XYLT1: variants seen among roughly 807,000 people sequenced by gnomAD.
XYLT1 encodes xylosyltransferase 1.
A neutral mutation model predicts 91.3 loss-of-function variants in XYLT1; 36 were observed. That is an observed-to-expected ratio of 0.39 (90% CI 0.30 to 0.52). The LOEUF is 0.52. XYLT1 is among the 20% of genes least tolerant of loss of function. The pLI, the probability that XYLT1 is intolerant of heterozygous loss-of-function variation, is 0.68. For synonymous variants in XYLT1, 588 were observed against 532.0 expected (o/e 1.11, Z -1.45); for missense variants, 1,242 against 1,284.5 (o/e 0.97, Z 0.51).
chr16:17,408,503 A>G (rs1265951475), intron 1 of XYLT1, among the ~76,000 whole-genome samples: 1 of 152,192 alleles, frequency 6.6e-6, no homozygotes, highest in African/African-American at 2.4e-5. Context: ...AGTGTATTCA[A>G]GCCTCGTTGC....
chr16:17,379,721 G>A (rs1261088389), intron 1 of XYLT1, among the ~76,000 whole-genome samples: 3 of 142,688 alleles, frequency 2.1e-5, no homozygotes, highest in Non-Finnish European at 4.5e-5. Context: ...TCTATGAAAT[G>A]AAGGATATCT....
chr16:17,336,417 G>A (rs376215985), intron 2 of XYLT1, among the ~76,000 whole-genome samples: 6 of 152,276 alleles, frequency 3.9e-5, no homozygotes, highest in African/African-American at 1.4e-4. Context: ...AGCTGTCCAC[G>A]GTCAGGGGAG....
At chr16:17,276,443 T>C (rs957685465) in intron 2 of XYLT1, among the ~76,000 whole-genome samples, 12 of 152,196 alleles carry the variant, frequency 7.9e-5, no homozygotes, top group Admixed American at 5.2e-4. Context: ...TGGAAAATGA[T>C]TTCTGCAGCC....
chr16:17,443,414 T>C (rs1243410142), intron 1 of XYLT1, among the ~76,000 whole-genome samples: 5 of 152,206 alleles, frequency 3.3e-5, no homozygotes, highest in African/African-American at 1.2e-4. Context: ...GCTGTTCTCA[T>C]GATAGTGAGC....
At chr16:17,345,118 G>A (rs2035126259) in intron 2 of XYLT1, among the ~76,000 whole-genome samples, 1 of 152,202 alleles carries the variant, frequency 6.6e-6, no homozygotes, top group South Asian at 2.1e-4. Context: ...CTGTTGGCCC[G>A]TTTTTATTTC....
At chr16:17,128,451 A>T (rs980785052) in intron 9 of XYLT1, among the ~76,000 whole-genome samples, 1 of 152,158 alleles carries the variant, frequency 6.6e-6, no homozygotes, top group African/African-American at 2.4e-5. Flanking sequence ...GATAACTCTA[A>T]TTTTTTGCTT....
At chr16:17,385,492 A>G (rs1227661700) in intron 1 of XYLT1, among the ~76,000 whole-genome samples, 2 of 151,688 alleles carry the variant, frequency 1.3e-5, no homozygotes, top group East Asian at 2.0e-4. Flanking sequence ...TTGGCACCCA[A>G]CGAGCCCTTC....
At chr16:17,433,537 T>C (rs2036416593) in intron 1 of XYLT1, among the ~76,000 whole-genome samples, 1 of 152,142 alleles carries the variant, frequency 6.6e-6, no homozygotes, top group Non-Finnish European at 1.5e-5. Context: ...ACACGCATGA[T>C]GGTAGCAGCC....
chr16:17,257,863 C>A (rs759122490), intron 3 of XYLT1, among the ~76,000 whole-genome samples: 7 of 152,180 alleles, frequency 4.6e-5, no homozygotes, highest in Admixed American at 6.5e-5. Context: ...TAGCACACAG[C>A]GAAGCCTCAG....
At chr16:17,269,792 TTTATTA>T (rs60773820) in intron 2 of XYLT1, among the ~76,000 whole-genome samples, 13 of 141,724 alleles carry the variant, frequency 9.2e-5, no homozygotes, top group Middle Eastern at 3.7e-3. Flanking sequence ...TCCTTCTCCC[TTTATTA>T]TTATTATTAT....
chr16:17,463,162 C>G (rs540476046), intron 1 of XYLT1, among the ~76,000 whole-genome samples: 27 of 151,696 alleles, frequency 1.8e-4, no homozygotes, highest in Non-Finnish European at 4.0e-4. Flanking sequence ...CTTCAGGACG[C>G]TGAGCAAGAA....
chr16:17,372,888 G>C (rs989921955), intron 1 of XYLT1, among the ~76,000 whole-genome samples: 1 of 152,094 alleles, frequency 6.6e-6, no homozygotes, highest in Non-Finnish European at 1.5e-5. Context: ...TTACAACAAT[G>C]TCTGATCATA....
At position 17,259,004 on chromosome 16, in the gene XYLT1, C is replaced by A. The variant is rs779661811; in HGVS notation, c.897G>T (p.Arg299=). 2.0e-6 allele frequency: 3 copies of A among 1,505,740 alleles called. No individual in the cohort carries two copies. In the Admixed American group the frequency reaches 6.9e-5, roughly 35 times the overall value. The allele number at this position is 1,505,740 out of a possible 1,614,324, so 93.3% of individuals were successfully genotyped here. A position where few individuals can be genotyped will look rare whatever the true frequency, so the allele number is the denominator to read the frequency against. The change falls in exon 3 of 12, where the codon CGG becomes CGT. Residue 299 remains arginine (R), a synonymous_variant. Coordinates refer to ENST00000261381, the MANE Select transcript of XYLT1 (RefSeq NM_022166.4). The stretch of plus-strand genomic sequence containing the variant: ...GGAACTTACCCTCGAGGGGGCAGAA[C>A]CGAGTCACCTTCTCAGGCATCAGCA... ...LGLLMPEKVT[R]FCPLEGKANK... is the part of the protein sequence containing the mutation.
At chr16:17,334,888 A>G (rs1315534940) in intron 2 of XYLT1, among the ~76,000 whole-genome samples, 1 of 151,580 alleles carries the variant, frequency 6.6e-6, no homozygotes, top group East Asian at 1.9e-4. Flanking sequence ...ATCTCAAAAA[A>G]CAAAAACAAA....
At chr16:17,404,016 T>C (rs2035998724) in intron 1 of XYLT1, among the ~76,000 whole-genome samples, 1 of 152,110 alleles carries the variant, frequency 6.6e-6, no homozygotes. Context: ...CCACAGAGAA[T>C]TATTTAAACC....
chr16:17,138,187 G>T, intron 8 of XYLT1, 168 bp downstream of exon 8: 2 of 709,092 alleles, frequency 2.8e-6, no homozygotes, highest in Non-Finnish European at 4.5e-6. Context: ...TGAAGTAAGT[G>T]CTCAATAAAC....
At position 17,313,902 on chromosome 16, in the gene XYLT1, G is replaced by A. The variant is rs550284891; in HGVS notation, c.402+44110C>T. 2.0e-4 allele frequency among the ~76,000 whole-genome samples: 30 copies of A among 152,198 alleles called. No individual in the cohort carries two copies. In the South Asian group the frequency reaches 6.2e-3, roughly 32 times the overall value. On this transcript the variant is annotated intron_variant, in intron 2 of 11. Transcript: ENST00000261381. ...ATGGGAATAAGGGGATATAATTAAGGGGCTTTTATTTCTATTCTGTCCAGA... is the reference window on the plus strand; with the variant it reads ...ATGGGAATAAGGGGATATAATTAAGAGGCTTTTATTTCTATTCTGTCCAGA...
At chr16:17,173,401 C>G (rs948811085) in intron 5 of XYLT1, among the ~76,000 whole-genome samples, 1 of 152,246 alleles carries the variant, frequency 6.6e-6, no homozygotes, top group Non-Finnish European at 1.5e-5. Context: ...CCGAGGCATC[C>G]ACGTACATCC....
chr16:17,430,330 A>C (rs907899712), intron 1 of XYLT1, among the ~76,000 whole-genome samples: 1 of 152,168 alleles, frequency 6.6e-6, no homozygotes, highest in African/African-American at 2.4e-5. Context: ...GGATTTCAGA[A>C]TTTCAGATTA....
Sources: gnomAD v4.1 joint callset for allele counts (sites outside exome capture counted in the v4.1 genomes callset) on GRCh38, gnomAD v4.1.1 for gene constraint, MANE v1.5 for transcripts, NCBI Gene and HGNC (gene_info 2026-07-23, HGNC 2026-07-21) for gene names.